DPH6: variants seen among roughly 807,000 people sequenced by gnomAD.
The protein encoded by DPH6 is diphthamine biosynthesis 6.
In DPH6, 33 loss-of-function variants were observed where a neutral mutation model predicts 38.2. The ratio of observed to expected loss-of-function variants is 0.86; its 90% CI spans 0.65 to 1.15. DPH6 has a LOEUF of 1.15. DPH6 is among the 50% of genes most tolerant of loss of function. The pLI is 0.00. For missense variants in DPH6, 325 were observed against 320.0 expected (o/e 1.02, Z -0.12); for synonymous variants, 108 against 103.0 (o/e 1.05, Z -0.30).
intron 3 of DPH6, among the ~76,000 whole-genome samples, chr15:35,475,229 A>G (rs2054250065): frequency 1.3e-5 from 2 of 152,100 alleles, no homozygotes; most frequent in African/African-American, 2.4e-5. Context: ...ACTTATTTCC[A>G]TGTATTAAAC....
chr15:35,540,244 G>C (rs920496537), intron 2 of DPH6, among the ~76,000 whole-genome samples: 1 of 152,076 alleles, frequency 6.6e-6, no homozygotes, highest in Non-Finnish European at 1.5e-5. Context: ...AAAACCAAAG[G>C]CTCCCCTGTT....
chr15:35,255,678 C>T (rs77630956), intron 3 of DPH6, among the ~76,000 whole-genome samples: 3,623 of 152,174 alleles, frequency 0.024, 135 homozygotes, highest in African/African-American at 0.083. Flanking sequence ...TTGGATGCAC[C>T]AGTTTACTCA....
intron 6 of DPH6, among the ~76,000 whole-genome samples, chr15:35,382,715 C>A (rs571668522): frequency 6.6e-6 from 1 of 152,144 alleles, no homozygotes; most frequent in South Asian, 2.1e-4. Context: ...ATTATGCTTG[C>A]AGTTGTTATT....
At chr15:35,221,617 T>C (rs2051442621) in intron 3 of DPH6, among the ~76,000 whole-genome samples, 1 of 152,210 alleles carries the variant, frequency 6.6e-6, no homozygotes, top group Non-Finnish European at 1.5e-5. Flanking sequence ...AAAGACATCC[T>C]GGAAGATCTC....
intron 3 of DPH6, among the ~76,000 whole-genome samples, chr15:35,472,239 A>C (rs1247684238): frequency 6.6e-6 from 1 of 152,232 alleles, no homozygotes; most frequent in African/African-American, 2.4e-5. Context: ...GACAGAACTG[A>C]GAAACCAAAG....
chr15:35,337,514 G>C (rs2052383150), intron 3 of DPH6, among the ~76,000 whole-genome samples: 3 of 152,092 alleles, frequency 2.0e-5, no homozygotes, highest in Admixed American at 2.0e-4. Flanking sequence ...ACAAACCTCT[G>C]CTCAATGAAA....
At chr15:35,310,771 C>A (rs551646966) in intron 3 of DPH6, among the ~76,000 whole-genome samples, 1 of 151,778 alleles carries the variant, frequency 6.6e-6, no homozygotes, top group African/African-American at 2.4e-5. Context: ...ATAAATTGGC[C>A]GAGTGTGGTG....
At chr15:35,460,379 A>C (rs2054049804) in intron 3 of DPH6, among the ~76,000 whole-genome samples, 1 of 152,224 alleles carries the variant, frequency 6.6e-6, no homozygotes. Context: ...GGAAGAAAAT[A>C]GAAATTAAAG....
chr15:35,181,927 ATTTC>A, the DPH6 span: 7 of 152,234 alleles, frequency 4.6e-5, no homozygotes, highest in Non-Finnish European at 7.4e-5. Flanking sequence ...GTTTAATGAT[ATTTC>A]TTTATTAATC....
the DPH6 span, among the ~76,000 whole-genome samples, chr15:35,151,902 GC>G: frequency 7.9e-5 from 12 of 152,264 alleles, no homozygotes; most frequent in Admixed American, 7.2e-4. Flanking sequence ...AATGTGTGGT[GC>G]TCGGAAGTGC....
rs868818466 is a variant in DPH6, at chr15:35,254,677, G to A, written n.201-34095C>T. 6.6e-5 allele frequency among the ~76,000 whole-genome samples: 10 copies of A among 152,270 alleles called. 1 individual carries two copies. In the South Asian group the frequency reaches 1.9e-3, roughly 28 times the overall value. On this transcript the variant is annotated intron_variant and non_coding_transcript_variant, in intron 3 of 3. Coordinates refer to the DPH6 transcript ENST00000560386. ...AAAGGTAGTGCTTGGTTTCATGCGC[G>A]TCCGTGTGAAGAGACCACCAAACAG... is the stretch of plus-strand genomic sequence containing the variant.
intron 3 of DPH6, among the ~76,000 whole-genome samples, chr15:35,278,976 G>C (rs2051877210): frequency 6.7e-6 from 1 of 148,972 alleles, no homozygotes; most frequent in South Asian, 2.1e-4. Flanking sequence ...TTGAACCCAG[G>C]AGGCGGAGGT....
At chr15:35,475,052 C>T (rs976826436) in intron 3 of DPH6, among the ~76,000 whole-genome samples, 3 of 151,872 alleles carry the variant, frequency 2.0e-5, no homozygotes, top group Non-Finnish European at 4.4e-5. Context: ...TTCACCCCTG[C>T]ATCTGAATAA....
chr15:35,286,673 C>T (rs1427596790), intron 3 of DPH6, among the ~76,000 whole-genome samples: 1 of 152,134 alleles, frequency 6.6e-6, no homozygotes, highest in Admixed American at 6.5e-5. Context: ...CTTGTTTATT[C>T]AATTTAGAAA....
chr15:35,527,190 GA>G (rs966360475), intron 3 of DPH6, among the ~76,000 whole-genome samples: 25 of 151,684 alleles, frequency 1.6e-4, no homozygotes, highest in Non-Finnish European at 3.7e-4. Context: ...TGTATGCAAT[GA>G]AAAAAAATGA....
chr15:35,271,133 C>G (rs1487199123), intron 3 of DPH6, among the ~76,000 whole-genome samples: 3 of 152,188 alleles, frequency 2.0e-5, no homozygotes, highest in Non-Finnish European at 4.4e-5. Context: ...TTAGTTCAGC[C>G]AAACTTCTTT....
the DPH6 span, among the ~76,000 whole-genome samples, chr15:35,185,724 C>CTTTTTTTTTTTTTTTTTTTTTTTT: frequency 1.2e-5 from 1 of 83,016 alleles, no homozygotes; most frequent in Non-Finnish European, 2.5e-5. Context: ...CCAATCCACT[C>CTTTTTTTTTTTTTTTTTTTTTTTT]TTTTTTTTTT....
chr15:35,224,116 T>G (rs936010587), intron 3 of DPH6, among the ~76,000 whole-genome samples: 4 of 144,474 alleles, frequency 2.8e-5, no homozygotes, highest in African/African-American at 1.1e-4. Context: ...TTTTTTTTTT[T>G]TTTTTTTTGA....
chr15:35,282,964 G>A, intron 3 of DPH6: 1 of 298,726 alleles, frequency 3.3e-6, no homozygotes, highest in Non-Finnish European at 7.0e-6. Flanking sequence ...GGCTTGGCCT[G>A]CACATCTTGA....
Sources: gnomAD v4.1 joint callset for allele counts (sites outside exome capture counted in the v4.1 genomes callset) on GRCh38, gnomAD v4.1.1 for gene constraint, MANE v1.5 for transcripts, NCBI Gene and HGNC (gene_info 2026-07-23, HGNC 2026-07-21) for gene names.